IL1RAPL1: variants seen among roughly 807,000 people sequenced by gnomAD.
The protein encoded by IL1RAPL1 is interleukin-1 receptor accessory protein-like 1.
A neutral mutation model predicts 48.4 loss-of-function variants in IL1RAPL1; 3 were observed. That is an observed-to-expected ratio of 0.06 (90% CI 0.03 to 0.16). The LOEUF is 0.16. IL1RAPL1 is among the 10% of genes least tolerant of loss of function. The probability of loss-of-function intolerance (pLI) is 1.00; values close to 1 mark genes in which losing one functional copy is unlikely to be tolerated. For synonymous variants in IL1RAPL1, 185 were observed against 187.7 expected (o/e 0.99, Z 0.12); for missense variants, 349 against 530.6 (o/e 0.66, Z 3.36).
chrX:29,329,745 G>T (rs1220158682), intron 3 of IL1RAPL1, among the ~76,000 whole-genome samples: 1 of 107,033 alleles, frequency 9.3e-6, no homozygotes, highest in African/African-American at 3.4e-5. Context: ...CCCAGGAGGC[G>T]AAGGTTGCAG....
chrX:29,806,502 A>G (rs1239102592), intron 6 of IL1RAPL1, among the ~76,000 whole-genome samples: 1 of 111,213 alleles, frequency 9.0e-6, no homozygotes, highest in Non-Finnish European at 1.9e-5. Context: ...TATAGCAAAG[A>G]ATATGATTAT....
intron 6 of IL1RAPL1, among the ~76,000 whole-genome samples, chrX:29,898,237 G>T (rs1954581448): frequency 8.9e-6 from 1 of 111,939 alleles, no homozygotes; most frequent in African/African-American, 3.2e-5. Flanking sequence ...CACAAGAATC[G>T]TAGTTATGTT....
At chrX:29,888,136 T>C (rs1344375647) in intron 6 of IL1RAPL1, among the ~76,000 whole-genome samples, 1 of 111,352 alleles carries the variant, frequency 9.0e-6, no homozygotes, top group Non-Finnish European at 1.9e-5. Flanking sequence ...TTAGGATTTT[T>C]TTTTTACCAC....
intron 2 of IL1RAPL1, among the ~76,000 whole-genome samples, chrX:29,259,238 C>A (rs1054369668): frequency 5.4e-5 from 6 of 111,680 alleles, no homozygotes; most frequent in African/African-American, 2.0e-4. Flanking sequence ...ACTTTCTTAA[C>A]TCAATTTTTA....
At chrX:28,662,795 C>T (rs984709687) in intron 1 of IL1RAPL1, among the ~76,000 whole-genome samples, 2 of 111,490 alleles carry the variant, frequency 1.8e-5, no homozygotes, top group African/African-American at 6.5e-5. Flanking sequence ...AATAACATTC[C>T]ATGATCACCT....
chrX:29,823,316 A>C (rs980240325), intron 6 of IL1RAPL1, among the ~76,000 whole-genome samples: 2 of 112,086 alleles, frequency 1.8e-5, no homozygotes, highest in African/African-American at 6.5e-5. Context: ...CCTGTATTTG[A>C]GACTGACCTC....
At chrX:29,953,098 T>TC (rs1409287355) in intron 9 of IL1RAPL1, among the ~76,000 whole-genome samples, 1 of 112,045 alleles carries the variant, frequency 8.9e-6, no homozygotes, top group African/African-American at 3.2e-5. Context: ...AGAATGTCCC[T>TC]CTATCGTTGA....
rs34961169 is a variant in IL1RAPL1, at chrX:28,958,779, G to A, written c.82+169354G>A. ...GGCTGAATGTAGTTTCTCCACTTCCGTAGAGTTTTAAGTAAATACAGCTCT... is the reference window on the plus strand; with the variant it reads ...GGCTGAATGTAGTTTCTCCACTTCCATAGAGTTTTAAGTAAATACAGCTCT... On this transcript the variant is annotated intron_variant, in intron 2 of 10. Coordinates refer to ENST00000378993, the MANE Select transcript of IL1RAPL1 (RefSeq NM_014271.4). Among the ~76,000 whole-genome samples, 1,067 of 111,312 alleles carry A rather than the reference G, an allele frequency of 9.6e-3. 4 individuals are homozygous for A. The highest frequency in any genetic ancestry group is 0.013 in the Non-Finnish European group (710 of 52,993).
At chrX:28,672,684 A>G (rs921154661) in intron 1 of IL1RAPL1, among the ~76,000 whole-genome samples, 1 of 111,236 alleles carries the variant, frequency 9.0e-6, no homozygotes, top group Non-Finnish European at 1.9e-5. Context: ...TGCCAGCCCC[A>G]TCACCCCACT....
At chrX:29,268,826 GT>G (rs1931996328) in intron 2 of IL1RAPL1, among the ~76,000 whole-genome samples, 1 of 112,082 alleles carries the variant, frequency 8.9e-6, no homozygotes, top group Non-Finnish European at 1.9e-5. Flanking sequence ...GGATGAATCA[GT>G]GAACGAATCA....
chrX:29,240,531 G>A (rs1011273126), intron 2 of IL1RAPL1, among the ~76,000 whole-genome samples: 8 of 109,067 alleles, frequency 7.3e-5, no homozygotes, highest in South Asian at 7.8e-4. Context: ...CACCTCGCCC[G>A]GCCTTATAAA....
chrX:29,862,039 C>CA (rs1931596292), intron 6 of IL1RAPL1, among the ~76,000 whole-genome samples: 1 of 104,732 alleles, frequency 9.5e-6, no homozygotes, highest in African/African-American at 3.5e-5. Context: ...CCTGTCTCTA[C>CA]AAAAAATTAA....
chrX:29,246,748 C>T (rs1451432480), intron 2 of IL1RAPL1, among the ~76,000 whole-genome samples: 1 of 111,240 alleles, frequency 9.0e-6, no homozygotes, highest in Non-Finnish European at 1.9e-5. Flanking sequence ...TCATTCTTCC[C>T]AATGAGGTAA....
intron 1 of IL1RAPL1, among the ~76,000 whole-genome samples, chrX:28,755,182 G>T (rs1280692642): frequency 9.0e-6 from 1 of 110,981 alleles, no homozygotes; most frequent in Non-Finnish European, 1.9e-5. Context: ...TTTTAGTAGA[G>T]ATGGGGTTTC....
intron 2 of IL1RAPL1, among the ~76,000 whole-genome samples, chrX:28,794,287 T>C: frequency 9.0e-6 from 1 of 111,025 alleles, no homozygotes; most frequent in East Asian, 2.8e-4. Context: ...GGAAAATGAT[T>C]CTTCGAGTAT....
intron 5 of IL1RAPL1, among the ~76,000 whole-genome samples, chrX:29,450,965 A>G (rs764931259): frequency 9.1e-6 from 1 of 110,350 alleles, no homozygotes; most frequent in Non-Finnish European, 1.9e-5. Context: ...CAAGTTAGGT[A>G]GTAGGGGGGT....
rs140266308 is a variant in IL1RAPL1 at position 29,580,882 on chromosome X, C to T, written c.704-87548C>T. Among the ~76,000 whole-genome samples, 970 of 112,189 alleles carry T rather than the reference C, an allele frequency of 8.6e-3. 16 individuals are homozygous for T. The highest frequency in any genetic ancestry group is 0.029 in the African/African-American group (902 of 30,907). On this transcript the variant is annotated intron_variant, in intron 5 of 10. Coordinates refer to ENST00000378993, the MANE Select transcript of IL1RAPL1 (RefSeq NM_014271.4). ...TTTTCCTCTACTATTGCATTTTCTA[C>T]TCTATTTGTGAATGTGAGCTTTCCT...
intron 2 of IL1RAPL1, among the ~76,000 whole-genome samples, chrX:28,971,912 G>GTGTGTGTGTGTA (rs1555948257): frequency 2.8e-5 from 3 of 108,780 alleles, no homozygotes; most frequent in African/African-American, 1.0e-4. Flanking sequence ...GTGTGTGTGT[G>GTGTGTGTGTGTA]TGTGTATTTC....
At chrX:29,213,441 C>T (rs1410558888) in intron 2 of IL1RAPL1, among the ~76,000 whole-genome samples, 2 of 112,910 alleles carry the variant, frequency 1.8e-5, no homozygotes, top group East Asian at 5.6e-4. Flanking sequence ...TGTATAGTAA[C>T]CGGAATGTTC....
Sources: gnomAD v4.1 joint callset for allele counts (sites outside exome capture counted in the v4.1 genomes callset) on GRCh38, gnomAD v4.1.1 for gene constraint, MANE v1.5 for transcripts, NCBI Gene and HGNC (gene_info 2026-07-23, HGNC 2026-07-21) for gene names.